The following RANBP17 variants were observed in gnomAD, a reference collection of about 807,000 sequenced individuals.
The protein encoded by RANBP17 is RAN binding protein 17.
In RANBP17, 158 loss-of-function variants were observed where a neutral mutation model predicts 141.2. The ratio of observed to expected loss-of-function variants is 1.12; its 90% CI spans 0.98 to 1.28. The LOEUF (loss-of-function observed/expected upper bound fraction) is 1.28. Ranked by LOEUF, RANBP17 falls within the 50% of genes most tolerant of loss-of-function variation. The pLI, the probability that RANBP17 is intolerant of heterozygous loss-of-function variation, is 0.00. For missense variants in RANBP17, 1,438 were observed against 1,290.7 expected, an observed-to-expected ratio of 1.11 and a Z score of -1.75; for synonymous variants, 430 against 450.0, an observed-to-expected ratio of 0.96 and a Z score of 0.56.
At chr5:171,028,890 T>C (rs1781385399) in intron 14 of RANBP17, 1 of 1,287,754 alleles carries the variant, frequency 7.8e-7, no homozygotes, top group African/African-American at 1.5e-5. Context: ...CATCTTCCTG[T>C]GAAGGGCTTG....
intron 14 of RANBP17, among the ~76,000 whole-genome samples, chr5:171,104,919 A>G (rs1057059668): frequency 6.6e-6 from 1 of 152,182 alleles, no homozygotes; most frequent in Non-Finnish European, 1.5e-5. Context: ...TAATTTTTCC[A>G]TTGGTCCCCT....
At chr5:170,960,777 C>T (rs1776080354) in intron 13 of RANBP17, among the ~76,000 whole-genome samples, 1 of 152,222 alleles carries the variant, frequency 6.6e-6, no homozygotes, top group African/African-American at 2.4e-5. Flanking sequence ...AACAACATGG[C>T]TTATCAGGCT....
At chr5:171,069,318 C>A (rs1784499960) in intron 14 of RANBP17, among the ~76,000 whole-genome samples, 1 of 152,206 alleles carries the variant, frequency 6.6e-6, no homozygotes, top group African/African-American at 2.4e-5. Flanking sequence ...TCACTGCCTT[C>A]TGCAGGTCTG....
intron 14 of RANBP17, among the ~76,000 whole-genome samples, chr5:171,167,548 T>C (rs1253822697): frequency 6.6e-6 from 1 of 152,212 alleles, no homozygotes; most frequent in Admixed American, 6.5e-5. Flanking sequence ...ATTAATTTCA[T>C]TTATCTATAT....
intron 14 of RANBP17, among the ~76,000 whole-genome samples, chr5:171,139,094 A>T (rs1464671737): frequency 3.3e-5 from 5 of 152,104 alleles, no homozygotes; most frequent in Admixed American, 6.5e-5. Flanking sequence ...ACAAAAAAAG[A>T]AAAAAGAAAA....
In RANBP17 at chr5:170,943,812, A is replaced by C. The variant is rs117103209; in HGVS notation, c.1469-9785A>C. Among the ~76,000 whole-genome samples, 47 of 152,268 alleles carry C rather than the reference A, an allele frequency of 3.1e-4. 1 individual carries two copies. The East Asian group carries it at 7.9e-3, about 26-fold the overall frequency. On this transcript the variant is annotated intron_variant, in intron 12 of 27. Coordinates refer to ENST00000523189, the MANE Select transcript of RANBP17 (RefSeq NM_022897.5). ...TGATGTTTTGATAAATACGTAGCGAAATGACTACTACAGTCAGCCAAATTA... is the reference window on the plus strand; with the variant it reads ...TGATGTTTTGATAAATACGTAGCGACATGACTACTACAGTCAGCCAAATTA...
intron 14 of RANBP17, among the ~76,000 whole-genome samples, chr5:171,126,885 A>G (rs546034985): frequency 5.3e-5 from 8 of 152,316 alleles, no homozygotes; most frequent in African/African-American, 1.4e-4. Context: ...ACTGAATTTT[A>G]CCAAACTTAT....
chr5:171,137,608 G>GTGTGTGTC (rs1554103832), intron 14 of RANBP17, among the ~76,000 whole-genome samples: 6 of 143,722 alleles, frequency 4.2e-5, no homozygotes, highest in Non-Finnish European at 6.1e-5. Context: ...GTGTGTGTCT[G>GTGTGTGTC]TGTGTGTGTG....
chr5:170,958,903 C>T (rs1290986674), intron 13 of RANBP17, among the ~76,000 whole-genome samples: 4 of 152,086 alleles, frequency 2.6e-5, no homozygotes, highest in African/African-American at 9.7e-5. Flanking sequence ...AAATGAAAAC[C>T]TCTTGAGAGA....
chr5:171,071,726 G>C (rs1477820239), intron 14 of RANBP17, among the ~76,000 whole-genome samples: 10 of 139,040 alleles, frequency 7.2e-5, no homozygotes, highest in African/African-American at 2.4e-4. Context: ...AATTAACTCA[G>C]AATGCATCAT....
chr5:171,256,655 C>T (rs2128009631), intron 24 of RANBP17, among the ~76,000 whole-genome samples: 1 of 152,026 alleles, frequency 6.6e-6, no homozygotes, highest in Non-Finnish European at 1.5e-5. Context: ...AAAAGGTAAA[C>T]AAAATAGGTA....
At chr5:171,033,693 ATTAGAAC>A in intron 14 of RANBP17, among the ~76,000 whole-genome samples, 1 of 152,052 alleles carries the variant, frequency 6.6e-6, no homozygotes, top group East Asian at 1.9e-4. Flanking sequence ...TGGCACTATA[ATTAGAAC>A]TTATTAAATT....
Position 171,092,603 on chromosome 5 carries a change from T to C in RANBP17, c.1711-77527T>C, listed in dbSNP as rs553208532. Among the ~76,000 whole-genome samples, 5 of 152,336 alleles carry C rather than the reference T, an allele frequency of 3.3e-5. No homozygotes were observed. In the East Asian group the frequency reaches 9.6e-4, roughly 29 times the overall value. On this transcript the variant is annotated intron_variant, in intron 14 of 27. Coordinates refer to ENST00000523189, the MANE Select transcript of RANBP17 (RefSeq NM_022897.5). ...TATAAAATGAGGGCTGACACTGGATTATTGCTAAGGTTCTATCTATCTGGA... is the reference window on the plus strand; with the variant it reads ...TATAAAATGAGGGCTGACACTGGATCATTGCTAAGGTTCTATCTATCTGGA...
intron 7 of RANBP17, among the ~76,000 whole-genome samples, chr5:170,912,785 G>T (rs1771636551): frequency 1.3e-5 from 2 of 151,760 alleles, no homozygotes; most frequent in Admixed American, 6.6e-5. Flanking sequence ...GGAGAAAGAA[G>T]GAAATTTGCA....
At chr5:170,909,887 T>A in intron 6 of RANBP17, 122 bp downstream of exon 6, 1 of 588,188 alleles carries the variant, frequency 1.7e-6, no homozygotes, top group Non-Finnish European at 3.0e-6. Context: ...GTGGACAGAC[T>A]TAAGTATAGT....
chr5:171,161,991 G>A (rs1581766559), intron 14 of RANBP17, among the ~76,000 whole-genome samples: 1 of 152,080 alleles, frequency 6.6e-6, no homozygotes, highest in Non-Finnish European at 1.5e-5. Flanking sequence ...AAATTTAATC[G>A]TCATCTTATA....
chr5:171,148,615 TAGAG>T lies in RANBP17; in HGVS notation c.1711-21503_1711-21500del, dbSNP rs200432634. On this transcript the variant is annotated intron_variant, in intron 14 of 27. Coordinates refer to ENST00000523189, the MANE Select transcript of RANBP17 (RefSeq NM_022897.5). The stretch of plus-strand genomic sequence containing the variant: ...ATCTGTATTGATATATATATATATA[TAGAG>T]AGAGAGAGAGAACATTTCATGATCA... Among the ~76,000 whole-genome samples, 4 of 147,752 alleles carry T rather than the reference TAGAG, an allele frequency of 2.7e-5. No individual in the cohort carries two copies. The Admixed American group carries it at 2.7e-4, about 10-fold the overall frequency.
At chr5:171,070,814 C>T (rs1324909490) in intron 14 of RANBP17, among the ~76,000 whole-genome samples, 2 of 152,130 alleles carry the variant, frequency 1.3e-5, no homozygotes, top group South Asian at 2.1e-4. Context: ...GTATCCTCAT[C>T]ATAGTTAGAA....
intron 24 of RANBP17, among the ~76,000 whole-genome samples, chr5:171,258,520 G>T (rs1375476162): frequency 1.3e-5 from 2 of 152,094 alleles, no homozygotes; most frequent in African/African-American, 4.8e-5. Context: ...AATGATATTG[G>T]TATGAAAACA....
Sources: gnomAD v4.1 joint callset for allele counts (sites outside exome capture counted in the v4.1 genomes callset) on GRCh38, gnomAD v4.1.1 for gene constraint, MANE v1.5 for transcripts, NCBI Gene and HGNC (gene_info 2026-07-23, HGNC 2026-07-21) for gene names.